MAP2K5: variants seen among roughly 807,000 people sequenced by gnomAD.
MAP2K5 encodes the protein mitogen-activated protein kinase kinase 5.
MAP2K5 carries 49 observed loss-of-function variants against 83.1 expected under a neutral mutation model. The ratio of observed to expected loss-of-function variants is 0.59; its 90% CI spans 0.47 to 0.75. MAP2K5 has a LOEUF of 0.75. Ranked by LOEUF, MAP2K5 falls within the 30% of genes least tolerant of loss-of-function variation. The pLI is 0.00. For missense variants in MAP2K5, 457 were observed against 557.5 expected, an observed-to-expected ratio of 0.82 and a Z score of 1.82; for synonymous variants, 202 against 191.8, an observed-to-expected ratio of 1.05 and a Z score of -0.44.
rs1488092087 is a variant in MAP2K5, at chr15:67,793,513, T to C, written c.1243-13133T>C. On this transcript the variant is annotated intron_variant, in intron 21 of 21. Transcript: ENST00000178640. The surrounding 1 kb of genome is among the most constrained non-coding windows in gnomAD (Gnocchi z 4.6). ...TTCGTCTTCTCCTTCTATTTGGCTG[T>C]TTCTCTTGTGCTTTTAATTGGGAAA... 6.6e-6 allele frequency among the ~76,000 whole-genome samples: 1 copy of C among 152,236 alleles called. No individual in the cohort carries two copies.
Position 67,769,487 on chromosome 15 carries a change from C to G in MAP2K5, c.1135-115C>G, listed in dbSNP as rs552438037. The G allele has an allele frequency of 1.2e-6, 1 of 861,570 alleles. No individual in the cohort carries two copies. The highest frequency in any genetic ancestry group is 2.1e-5 in the Admixed American group (1 of 47,760). The allele number at this position is 861,570 out of a possible 1,614,324, so 53.4% of individuals were successfully genotyped here. On this transcript the variant is annotated intron_variant, in intron 19 of 21. Transcript: ENST00000178640. This position sits in a 1 kb window ranked among gnomAD's most constrained non-coding sequence, Gnocchi z 5.2. ...AGACAGTCTTTTTAATTGGGTGAGG[C>G]CTTATTCTCATTGTATTCATCTTTA... is the stretch of plus-strand genomic sequence containing the variant.
At chr15:67,681,078 A>G (rs1048843004) in intron 13 of MAP2K5, among the ~76,000 whole-genome samples, 1 of 152,206 alleles carries the variant, frequency 6.6e-6, no homozygotes, top group Non-Finnish European at 1.5e-5. Context: ...TTTCCCATTC[A>G]TCTGATTCAT....
At position 67,572,470 on chromosome 15, in the gene MAP2K5, T is replaced by A. The variant is rs539016855; in HGVS notation, c.253-8284T>A. On this transcript the variant is annotated intron_variant, in intron 3 of 21. Coordinates refer to ENST00000178640, the MANE Select transcript of MAP2K5 (RefSeq NM_145160.3). This position sits in a 1 kb window ranked among gnomAD's most constrained non-coding sequence, Gnocchi z 4.2. ...GAAAGAATTCAGAGTGAGTCCACAG[T>A]GCAAAGTGAAAGTAAGTTTATTAAG... Among the ~76,000 whole-genome samples the A allele has an allele frequency of 7.9e-5, 12 of 152,234 alleles. No individual in the cohort carries two copies. The South Asian group carries it at 2.5e-3, about 32-fold the overall frequency.
At chr15:67,618,630 C>T (rs1005605920) in intron 8 of MAP2K5, among the ~76,000 whole-genome samples, 7 of 152,162 alleles carry the variant, frequency 4.6e-5, no homozygotes, top group East Asian at 1.9e-4. Context: ...CTCCCATCTC[C>T]GTAATTGGAA....
chr15:67,661,292 T>C (rs1435907209), intron 12 of MAP2K5, among the ~76,000 whole-genome samples: 1 of 152,166 alleles, frequency 6.6e-6, no homozygotes, highest in African/African-American at 2.4e-5. Context: ...CCCTGCCACC[T>C]AACACATTCT....
chr15:67,685,245 T>C (rs966773132), intron 13 of MAP2K5, among the ~76,000 whole-genome samples: 2 of 152,120 alleles, frequency 1.3e-5, no homozygotes, highest in African/African-American at 4.8e-5. Context: ...AAAGATAAGA[T>C]TGACAGCCGA....
chr15:67,646,099 G>C, intron 9 of MAP2K5, 132 bp from the exon 10 acceptor site: 1 of 512,478 alleles, frequency 2.0e-6, no homozygotes. Flanking sequence ...GTATTACTGG[G>C]AATTATAGTG....
In MAP2K5 at chr15:67,703,388, T is replaced by G; in HGVS notation, c.1024T>G (p.Leu342Val). ...QYGIHSDVWS[L>V]GISFMELALG... Reference sequence around the variant, plus strand: ...TGGAATTCATTCTGATGTCTGGAGCTTAGGAATCTCTTTTATGGAGGTACG... The same window carrying G: ...TGGAATTCATTCTGATGTCTGGAGCGTAGGAATCTCTTTTATGGAGGTACG... Residue 342 changes from leucine (L) to valine (V), a missense_variant, in exon 16 of 22, where the codon TTA (leucine) becomes GTA (valine). Leu to Val is a conservative substitution (Grantham distance 32). Transcript: ENST00000178640. 6.2e-7 allele frequency: 1 copy of G among 1,613,634 alleles called. No homozygotes were observed. The highest frequency in any genetic ancestry group is 8.5e-7 in the Non-Finnish European group (1 of 1,179,628).
rs1340148346 is a variant in MAP2K5 at position 67,615,362 on chromosome 15, AAAG to A, written c.545+14617_545+14619del. On this transcript the variant is annotated intron_variant, in intron 8 of 21. Transcript: ENST00000178640. ...GCATCTGTAATAGGTTTTTAGGCAG[AAAG>A]AAGGTTGGCAAAGACTGCTATTTGA... 2.6e-5 allele frequency among the ~76,000 whole-genome samples: 4 copies of A among 152,322 alleles called. No individual in the cohort carries two copies. In the East Asian group the frequency reaches 7.7e-4, roughly 29 times the overall value.
At chr15:67,740,765 T>C (rs967749682) in intron 17 of MAP2K5, among the ~76,000 whole-genome samples, 22 of 152,308 alleles carry the variant, frequency 1.4e-4, no homozygotes, top group African/African-American at 5.3e-4. Flanking sequence ...TGGTGGCTCA[T>C]GCCTATAATC....
intron 8 of MAP2K5, among the ~76,000 whole-genome samples, chr15:67,606,910 A>G (rs2085789120): frequency 6.6e-6 from 1 of 152,216 alleles, no homozygotes; most frequent in Non-Finnish European, 1.5e-5. Flanking sequence ...TGGGAACCAC[A>G]TAGTACCCAG....
intron 13 of MAP2K5, among the ~76,000 whole-genome samples, chr15:67,686,636 TAA>T (rs2141193106): frequency 9.3e-6 from 1 of 107,662 alleles, no homozygotes; most frequent in African/African-American, 3.4e-5. Flanking sequence ...ATAATAATAA[TAA>T]TAATAACATG....
intron 12 of MAP2K5, among the ~76,000 whole-genome samples, chr15:67,660,615 A>G (rs998895272): frequency 1.3e-5 from 2 of 152,164 alleles, no homozygotes; most frequent in Non-Finnish European, 2.9e-5. Context: ...GAGAGTAGGG[A>G]AATAGGTGTA....
chr15:67,667,635 G>A (rs1169804290), intron 13 of MAP2K5, among the ~76,000 whole-genome samples: 12 of 151,596 alleles, frequency 7.9e-5, no homozygotes, highest in Non-Finnish European at 1.2e-4. Flanking sequence ...TTCTAATGCC[G>A]TTCTTAAAAA....
Position 67,636,490 on chromosome 15 carries a change from C to CTGG in MAP2K5, c.585+5564_585+5566dup, listed in dbSNP as rs1206708153. Among the ~76,000 whole-genome samples, 2 of 150,932 alleles carry CTGG rather than the reference C, an allele frequency of 1.3e-5. No homozygotes were observed. The highest frequency in any genetic ancestry group is 4.9e-5 in the African/African-American group (2 of 41,196). The stretch of plus-strand genomic sequence containing the variant: ...ATTTATTCCATCATATGTGTCATAT[C>CTGG]TGGATCAGTTTTGACTGATTCCTCT... On this transcript the variant is annotated intron_variant, in intron 9 of 21. Transcript: ENST00000178640. The surrounding 1 kb of genome is among the most constrained non-coding windows in gnomAD (Gnocchi z 4.7).
At chr15:67,550,411 A>G (rs1187826789) in intron 2 of MAP2K5, among the ~76,000 whole-genome samples, 1 of 152,224 alleles carries the variant, frequency 6.6e-6, no homozygotes, top group African/African-American at 2.4e-5. Context: ...ATTATTGATT[A>G]AGAGATTTTA....
chr15:67,671,468 T>G (rs1310854683), intron 13 of MAP2K5, among the ~76,000 whole-genome samples: 1 of 152,164 alleles, frequency 6.6e-6, no homozygotes, highest in Non-Finnish European at 1.5e-5. Context: ...AAATTAAAGC[T>G]GTGTGCCTTA....
At chr15:67,686,388 C>T (rs750042733) in intron 13 of MAP2K5, among the ~76,000 whole-genome samples, 4 of 152,078 alleles carry the variant, frequency 2.6e-5, no homozygotes, top group Non-Finnish European at 5.9e-5. Flanking sequence ...AAGCAGATCA[C>T]GTGAGTTCAG....
chr15:67,616,466 A>G (rs1208905315), intron 8 of MAP2K5, among the ~76,000 whole-genome samples: 1 of 152,138 alleles, frequency 6.6e-6, no homozygotes. Context: ...TACCTCTGCC[A>G]TGTCTCTGAT....
Sources: allele counts gnomAD v4.1 joint callset (sites outside exome capture counted in the v4.1 genomes callset), GRCh38; gene constraint gnomAD v4.1.1; non-coding constraint Gnocchi (gnomAD v3.1); transcripts MANE v1.5; gene names NCBI Gene and HGNC (gene_info 2026-07-23, HGNC 2026-07-21).